The following RANBP17 variants were observed in gnomAD, a reference collection of about 807,000 sequenced individuals.
The protein encoded by RANBP17 is ran-binding protein 17.
In RANBP17, 158 loss-of-function variants were observed where a neutral mutation model predicts 141.2. That is an observed-to-expected ratio of 1.12 (90% confidence interval 0.98 to 1.28). RANBP17 has a LOEUF of 1.28. Ranked by LOEUF, RANBP17 falls within the 50% of genes most tolerant of loss-of-function variation. The pLI, the probability that RANBP17 is intolerant of heterozygous loss-of-function variation, is 0.00. For missense variants in RANBP17, 1,438 were observed against 1,290.7 expected, an observed-to-expected ratio of 1.11 and a Z score of -1.75; for synonymous variants, 430 against 450.0, an observed-to-expected ratio of 0.96 and a Z score of 0.56.
At chr5:170,928,097 C>G (rs554287028) in intron 12 of RANBP17, among the ~76,000 whole-genome samples, 1 of 152,178 alleles carries the variant, frequency 6.6e-6, no homozygotes, top group African/African-American at 2.4e-5. Context: ...AATTTGCATT[C>G]CCTAATGATT....
In RANBP17 at chr5:170,919,707, G is replaced by A. The variant is rs192372161; in HGVS notation, c.1274+94G>A. ...AAATTTAAAATTCACCCCTTTTAGC[G>A]TACAGTTGTATGATTTCTGACAAGT... On this transcript the variant is annotated intron_variant, in intron 11 of 27. Coordinates refer to ENST00000523189, the MANE Select transcript of RANBP17 (RefSeq NM_022897.5). 1,326 of 909,734 alleles carry A rather than the reference G, an allele frequency of 1.5e-3. 5 individuals carry two copies. The highest frequency in any genetic ancestry group is 1.8e-3 in the Non-Finnish European group (1,118 of 607,548). 56.4% of individuals were successfully genotyped at this position (909,734 alleles called of 1,614,324 possible).
At chr5:171,051,233 TTTTC>T (rs1224632574) in intron 14 of RANBP17, among the ~76,000 whole-genome samples, 1 of 152,226 alleles carries the variant, frequency 6.6e-6, no homozygotes, top group Non-Finnish European at 1.5e-5. Context: ...ATTATTCCTT[TTTTC>T]TTTATTTATT....
At chr5:170,918,645 G>C (rs532985254) in intron 9 of RANBP17, 68 bp from the exon 10 acceptor site, 1 of 1,305,584 alleles carries the variant, frequency 7.7e-7, no homozygotes, top group East Asian at 2.6e-5. Context: ...GATGCTTTGG[G>C]GTTTTACTGA....
chr5:171,262,693 T>G (rs1766412799), intron 24 of RANBP17, among the ~76,000 whole-genome samples: 1 of 152,198 alleles, frequency 6.6e-6, no homozygotes, highest in Non-Finnish European at 1.5e-5. Context: ...TATAACAAAT[T>G]GCTCATTATA....
intron 14 of RANBP17, among the ~76,000 whole-genome samples, chr5:171,064,154 G>A (rs989417548): frequency 2.6e-5 from 4 of 152,310 alleles, no homozygotes; most frequent in East Asian, 1.9e-4. Context: ...GCTCACACAC[G>A]GTGCGCTGCA....
intron 14 of RANBP17, among the ~76,000 whole-genome samples, chr5:171,060,948 C>T (rs926905082): frequency 7.2e-5 from 6 of 82,906 alleles, no homozygotes; most frequent in South Asian, 1.9e-3. Flanking sequence ...AGTTTATTTG[C>T]GTAGAGGTGT....
At chr5:171,171,081 G>A (rs997556224) in intron 15 of RANBP17, 125 bp from the exon 16 acceptor site, 5 of 564,260 alleles carry the variant, frequency 8.9e-6, no homozygotes, top group Non-Finnish European at 1.6e-5. Flanking sequence ...TTTTGAGCCT[G>A]TTTTTCACTT....
chr5:170,919,774 T>C (rs927542975), intron 11 of RANBP17, among the ~76,000 whole-genome samples, 161 bp downstream of exon 11: 1 of 152,162 alleles, frequency 6.6e-6, no homozygotes, highest in Non-Finnish European at 1.5e-5. Context: ...AGATATAGAT[T>C]AGTTCCATCA....
intron 3 of RANBP17, among the ~76,000 whole-genome samples, chr5:170,891,439 A>G (rs1769586920): frequency 6.6e-6 from 1 of 152,198 alleles, no homozygotes. Context: ...GATACATAGT[A>G]GATGTTTGAG....
At chr5:171,071,760 A>G (rs1168925767) in intron 14 of RANBP17, among the ~76,000 whole-genome samples, 2 of 152,032 alleles carry the variant, frequency 1.3e-5, no homozygotes, top group African/African-American at 4.8e-5. Context: ...ATAACATAAA[A>G]CTATAAAACT....
At chr5:171,138,141 A>G (rs531491819) in intron 14 of RANBP17, among the ~76,000 whole-genome samples, 1 of 152,246 alleles carries the variant, frequency 6.6e-6, no homozygotes, top group South Asian at 2.1e-4. Flanking sequence ...ATTAAAAACA[A>G]CATAGGACTT....
chr5:171,058,013 C>T (rs1363962369), intron 14 of RANBP17, among the ~76,000 whole-genome samples: 2 of 152,000 alleles, frequency 1.3e-5, no homozygotes, highest in Non-Finnish European at 2.9e-5. Flanking sequence ...TAAATTCATA[C>T]AGGGATTTCT....
chr5:171,261,726 T>G (rs980169685), intron 24 of RANBP17, among the ~76,000 whole-genome samples: 1 of 152,236 alleles, frequency 6.6e-6, no homozygotes, highest in African/African-American at 2.4e-5. Flanking sequence ...TAATCCCTTT[T>G]AAAATATTTT....
At chr5:170,944,411 CG>C (rs1554139296) in intron 12 of RANBP17, among the ~76,000 whole-genome samples, 1 of 152,142 alleles carries the variant, frequency 6.6e-6, no homozygotes, top group Non-Finnish European at 1.5e-5. Context: ...AGATTACAGG[CG>C]CATGCCACCA....
intron 22 of RANBP17, among the ~76,000 whole-genome samples, chr5:171,226,776 A>C (rs1763906878): frequency 6.6e-6 from 1 of 152,214 alleles, no homozygotes; most frequent in Non-Finnish European, 1.5e-5. Context: ...TTTTTTAAAA[A>C]AGAGGCTGAA....
intron 18 of RANBP17, among the ~76,000 whole-genome samples, chr5:171,184,293 A>G (rs919127266): frequency 6.6e-6 from 1 of 152,242 alleles, no homozygotes; most frequent in African/African-American, 2.4e-5. Flanking sequence ...GTGGGATACT[A>G]TTCAGCCATA....
At chr5:171,092,635 A>T (rs1786386236) in intron 14 of RANBP17, among the ~76,000 whole-genome samples, 1 of 152,238 alleles carries the variant, frequency 6.6e-6, no homozygotes, top group South Asian at 2.1e-4. Flanking sequence ...TGGAGAAATT[A>T]TCAACCAGGA....
intron 1 of RANBP17, among the ~76,000 whole-genome samples, chr5:170,862,448 A>AGCCTTCCC (rs1252659216): frequency 4.6e-4 from 70 of 152,272 alleles, no homozygotes; most frequent in African/African-American, 1.4e-3. Context: ...GCGGTGGAGC[A>AGCCTTCCC]GCCTTCCCGC....
chr5:171,121,314 G>A (rs914637681), intron 14 of RANBP17, among the ~76,000 whole-genome samples: 1 of 152,254 alleles, frequency 6.6e-6, no homozygotes, highest in Non-Finnish European at 1.5e-5. Context: ...GTGTGCCAGG[G>A]GCAGCCTGTG....
Sources: gnomAD v4.1 joint callset for allele counts (sites outside exome capture counted in the v4.1 genomes callset) on GRCh38, gnomAD v4.1.1 for gene constraint, MANE v1.5 for transcripts, NCBI Gene and HGNC (gene_info 2026-07-23, HGNC 2026-07-21) for gene names.